Variants in ST6GALNAC5 observed in about 807,000 individuals in gnomAD.
ST6GALNAC5 encodes the protein alpha-N-acetylgalactosaminide alpha-2,6-sialyltransferase 5.
In ST6GALNAC5, 27 loss-of-function variants were observed where a neutral mutation model predicts 33.6. The observed-to-expected ratio is 0.80, with a 90% confidence interval of 0.59 to 1.11. The LOEUF (loss-of-function observed/expected upper bound fraction) is 1.11. ST6GALNAC5 is among the 50% of genes least tolerant of loss of function. The pLI is 0.00. For missense variants in ST6GALNAC5, 428 were observed against 454.0 expected (o/e 0.94, Z 0.52); for synonymous variants, 194 against 171.2 (o/e 1.13, Z -1.04).
At chr1:76,956,852 G>A (rs933137803) in intron 2 of ST6GALNAC5, among the ~76,000 whole-genome samples, 2 of 152,164 alleles carry the variant, frequency 1.3e-5, no homozygotes, top group Non-Finnish European at 2.9e-5. Context: ...TAAGTGCGGT[G>A]TTTAACATGG....
chr1:77,018,189 A>G (rs532967329), intron 2 of ST6GALNAC5, among the ~76,000 whole-genome samples: 2 of 152,356 alleles, frequency 1.3e-5, no homozygotes, highest in East Asian at 3.9e-4. Context: ...AGTTCTAGAA[A>G]GAGCCACCCT....
chr1:77,019,054 T>A (rs1650956582), intron 2 of ST6GALNAC5, among the ~76,000 whole-genome samples: 1 of 152,188 alleles, frequency 6.6e-6, no homozygotes, highest in South Asian at 2.1e-4. Flanking sequence ...TCAATTCCCC[T>A]GAGCTTTGGA....
chr1:76,872,759 G>A (rs144624875), intron 2 of ST6GALNAC5, among the ~76,000 whole-genome samples: 18 of 152,248 alleles, frequency 1.2e-4, no homozygotes, highest in South Asian at 4.1e-4. Context: ...TGAAATGAAT[G>A]CTAATCATTT....
chr1:76,913,891 G>A (rs1646940221), intron 2 of ST6GALNAC5, among the ~76,000 whole-genome samples: 1 of 152,134 alleles, frequency 6.6e-6, no homozygotes, highest in African/African-American at 2.4e-5. Flanking sequence ...TAGGAAAAGA[G>A]GAAGTCAAAT....
At chr1:77,043,894 A>G (rs1651916079) in intron 2 of ST6GALNAC5, among the ~76,000 whole-genome samples, 2 of 152,182 alleles carry the variant, frequency 1.3e-5, no homozygotes, top group Admixed American at 1.3e-4. Context: ...CTTCATCTGT[A>G]AAATGACCAC....
intron 2 of ST6GALNAC5, among the ~76,000 whole-genome samples, chr1:76,934,345 T>G (rs2100314769): frequency 6.6e-6 from 1 of 152,136 alleles, no homozygotes; most frequent in South Asian, 2.1e-4. Context: ...AAGGCTGTGT[T>G]TCAGAGGGGA....
intron 2 of ST6GALNAC5, among the ~76,000 whole-genome samples, chr1:76,891,099 C>T (rs1654003147): frequency 6.6e-6 from 1 of 151,974 alleles, no homozygotes; most frequent in African/African-American, 2.4e-5. Context: ...TGGGTATATA[C>T]CTAGGAGTAG....
At chr1:76,975,232 C>T (rs1488879798) in intron 2 of ST6GALNAC5, among the ~76,000 whole-genome samples, 1 of 152,044 alleles carries the variant, frequency 6.6e-6, no homozygotes, top group Non-Finnish European at 1.5e-5. Flanking sequence ...GATACATTAT[C>T]CCATAGTTAA....
chr1:76,960,910 AAC>A (rs1354904820), intron 2 of ST6GALNAC5, among the ~76,000 whole-genome samples: 3 of 152,136 alleles, frequency 2.0e-5, no homozygotes, highest in Non-Finnish European at 4.4e-5. Flanking sequence ...TTGTGCAGTT[AAC>A]ACAATCATCA....
chr1:77,049,509 A>G (rs902852475), intron 3 of ST6GALNAC5, among the ~76,000 whole-genome samples: 15 of 152,220 alleles, frequency 9.9e-5, no homozygotes, highest in African/African-American at 3.4e-4. Flanking sequence ...AAGGTGTAGC[A>G]TATGGTAGAA....
intron 2 of ST6GALNAC5, among the ~76,000 whole-genome samples, chr1:76,912,675 G>A (rs1296431241): frequency 6.6e-6 from 1 of 150,654 alleles, no homozygotes; most frequent in African/African-American, 2.4e-5. Context: ...TTACCATTAT[G>A]TAATGGCCTT....
intron 2 of ST6GALNAC5, among the ~76,000 whole-genome samples, chr1:76,888,344 G>T (rs963107430): frequency 1.3e-5 from 2 of 152,056 alleles, no homozygotes; most frequent in Non-Finnish European, 2.9e-5. Flanking sequence ...CTGTTGGTCC[G>T]AGATCCATCT....
intron 2 of ST6GALNAC5, among the ~76,000 whole-genome samples, chr1:76,955,145 C>T (rs1380891274): frequency 1.1e-4 from 17 of 151,982 alleles, no homozygotes; most frequent in Admixed American, 1.1e-3. Flanking sequence ...ACAGACAAAC[C>T]CAAAACTTAG....
intron 2 of ST6GALNAC5, among the ~76,000 whole-genome samples, chr1:76,945,248 C>A (rs1647473837): frequency 6.6e-6 from 1 of 151,304 alleles, no homozygotes; most frequent in African/African-American, 2.4e-5. Context: ...GAATTTCATG[C>A]TTGAGGTGAT....
At chr1:77,013,822 T>C (rs1469082699) in intron 2 of ST6GALNAC5, among the ~76,000 whole-genome samples, 1 of 152,262 alleles carries the variant, frequency 6.6e-6, no homozygotes, top group Non-Finnish European at 1.5e-5. Flanking sequence ...TGGAGAGGGC[T>C]GTTTAAAGTA....
At chr1:77,041,231 C>T (rs1008734590) in intron 2 of ST6GALNAC5, among the ~76,000 whole-genome samples, 1 of 152,224 alleles carries the variant, frequency 6.6e-6, no homozygotes, top group Non-Finnish European at 1.5e-5. Context: ...CTCTCTGGCT[C>T]TTCTGGATAG....
intron 2 of ST6GALNAC5, among the ~76,000 whole-genome samples, chr1:76,904,457 C>G (rs751444370): frequency 6.6e-6 from 1 of 152,084 alleles, no homozygotes; most frequent in Non-Finnish European, 1.5e-5. Context: ...AAATGGAATA[C>G]CATATGGCAA....
At chr1:76,982,286 T>C (rs1047174225) in intron 2 of ST6GALNAC5, among the ~76,000 whole-genome samples, 1 of 152,156 alleles carries the variant, frequency 6.6e-6, no homozygotes, top group African/African-American at 2.4e-5. Context: ...GATGAATGGC[T>C]AACTAGAATA....
intron 2 of ST6GALNAC5, among the ~76,000 whole-genome samples, chr1:76,877,242 C>T (rs963089111): frequency 6.6e-5 from 10 of 152,124 alleles, no homozygotes; most frequent in Non-Finnish European, 1.2e-4. Context: ...TTGGGCTTGC[C>T]AAAGGCTCCA....
Sources: allele counts gnomAD v4.1 joint callset (sites outside exome capture counted in the v4.1 genomes callset), GRCh38; gene constraint gnomAD v4.1.1; transcripts MANE v1.5; gene names NCBI Gene and HGNC (gene_info 2026-07-23, HGNC 2026-07-21).